CAAP1: variants seen among roughly 807,000 people sequenced by gnomAD.
The protein encoded by CAAP1 is conserved anti-apoptotic protein.
CAAP1 carries 20 observed loss-of-function variants against 34.0 expected under a neutral mutation model. The ratio of observed to expected loss-of-function variants is 0.59; its 90% confidence interval spans 0.41 to 0.86. The LOEUF is 0.86. Among genes scored for constraint, CAAP1 ranks in the 40% least tolerant of loss-of-function variants. The probability of loss-of-function intolerance (pLI) is 0.00; values close to 1 mark genes in which losing one functional copy is unlikely to be tolerated. For missense variants in CAAP1, 538 were observed against 450.5 expected, an observed-to-expected ratio of 1.19 and a Z score of -1.76; for synonymous variants, 213 against 166.7, an observed-to-expected ratio of 1.28 and a Z score of -2.14.
At chr9:26,871,794 G>A (rs1000942423) in intron 4 of CAAP1, among the ~76,000 whole-genome samples, 9 of 150,272 alleles carry the variant, frequency 6.0e-5, no homozygotes, top group East Asian at 2.0e-4. Flanking sequence ...AGGGCGGCGG[G>A]TGCCAACTAC....
intron 5 of CAAP1, among the ~76,000 whole-genome samples, chr9:26,847,198 A>ATATATTTTTTTTT (rs1554649570): frequency 2.9e-5 from 1 of 34,708 alleles, no homozygotes; most frequent in African/African-American, 1.2e-4. Flanking sequence ...AAAAAGCAAT[A>ATATATTTTTTTTT]TTTTTTTTTT....
rs558030743 is a variant in CAAP1, at chr9:26,892,798, G to T, written c.-83C>A. 3 of 1,355,810 alleles carry T rather than the reference G, an allele frequency of 2.2e-6. No homozygotes were observed. Among genetic ancestry groups the T allele is most frequent in the Non-Finnish European group, 3.0e-6 (3 of 1,006,564 alleles). 84.0% of individuals were successfully genotyped at this position (1,355,810 alleles called of 1,614,324 possible). A position where few individuals can be genotyped will look rare whatever the true frequency, so the allele number is the denominator to read the frequency against. On this transcript the variant is annotated 5_prime_UTR_variant, in exon 1 of 6. Coordinates refer to ENST00000333916, the MANE Select transcript of CAAP1 (RefSeq NM_024828.4). Reference sequence around the variant, plus strand: ...CGACTCCTGCGGCCGTGGGCGGCAGGCACTGGCGTCGCAGGTTATGCGTCA... The same window carrying T: ...CGACTCCTGCGGCCGTGGGCGGCAGTCACTGGCGTCGCAGGTTATGCGTCA...
chr9:26,858,282 T>G (rs1822919621), intron 5 of CAAP1, among the ~76,000 whole-genome samples: 1 of 152,172 alleles, frequency 6.6e-6, no homozygotes, highest in South Asian at 2.1e-4. Flanking sequence ...TTAGTGCACT[T>G]AGAAAACAGG....
Position 26,886,117 on chromosome 9 carries a change from CA to C in CAAP1, c.575del (p.Leu192Ter). The stretch of plus-strand genomic sequence containing the variant: ...ATGTATTCTTACCCTCAAGAATCTT[CA>C]AAATTTTTTTTTCAGACAGGAGCTC... ...QLELLSEKKI[L>X]KILEGDNGMD... On this transcript the variant is annotated frameshift_variant, in exon 3 of 6. Transcript: ENST00000333916. LOFTEE classifies it high-confidence loss of function. 1 of 1,546,864 alleles carries C rather than the reference CA, an allele frequency of 6.5e-7. No homozygotes were observed. Among genetic ancestry groups the C allele is most frequent in the South Asian group, 1.3e-5 (1 of 77,470 alleles).
At chr9:26,860,095 G>A (rs1822969462) in intron 5 of CAAP1, among the ~76,000 whole-genome samples, 1 of 152,150 alleles carries the variant, frequency 6.6e-6, no homozygotes, top group Non-Finnish European at 1.5e-5. Context: ...GTGATTACAT[G>A]ATAGATAACT....
chr9:26,892,383 C>T, intron 1 of CAAP1, 30 bp downstream of exon 1: 1 of 1,601,610 alleles, frequency 6.2e-7, no homozygotes, highest in Non-Finnish European at 8.5e-7. Context: ...GCAGCAGCTC[C>T]AGGAAGCGGC....
Position 26,892,495 on chromosome 9 carries a change from C to A in CAAP1, c.221G>T (p.Trp74Leu), listed in dbSNP as rs778801327. The change falls in exon 1 of 6, where the codon TGG becomes TTG. Residue 74 changes from tryptophan to leucine, a missense_variant. Trp to Leu is a moderately conservative substitution (Grantham distance 61). Around this residue, in one of 3 missense-constraint regions of CAAP1, gnomAD observed 514 missense variants for 408.4 expected, o/e 1.26. Coordinates refer to ENST00000333916, the MANE Select transcript of CAAP1 (RefSeq NM_024828.4). ...GCTGCGCTCCACGCTGCTCCCGCCC[C>A]AACAGCTGCCGCCGCTCCCACCGCC... ...VTGGGSGGSC[W>L]GGSSVERSER... 3 of 1,567,122 alleles carry A rather than the reference C, an allele frequency of 1.9e-6. No homozygotes were observed. Among genetic ancestry groups the A allele is most frequent in the Non-Finnish European group, 2.6e-6 (3 of 1,155,674 alleles).
At chr9:26,876,567 T>C (rs1377505860) in intron 4 of CAAP1, among the ~76,000 whole-genome samples, 1 of 151,934 alleles carries the variant, frequency 6.6e-6, no homozygotes, top group African/African-American at 2.4e-5. Flanking sequence ...GTATCATTTA[T>C]TGTACCTTTT....
intron 5 of CAAP1, among the ~76,000 whole-genome samples, chr9:26,860,012 CT>C (rs1226218922): frequency 6.6e-6 from 1 of 152,120 alleles, no homozygotes; most frequent in African/African-American, 2.4e-5. Context: ...TAAATAATGA[CT>C]TGTTTCTCTC....
In CAAP1 at chr9:26,886,133, G is replaced by C. The variant is rs374787707; in HGVS notation, c.560C>G (p.Ser187Cys). The change falls in exon 3 of 6, where the codon TCT (serine) becomes TGT (cysteine). Residue 187 changes from serine to cysteine, a missense_variant. Transcript: ENST00000333916. The stretch of plus-strand genomic sequence containing the variant: ...AAGAATCTTCAAAATTTTTTTTTCA[G>C]ACAGGAGCTCTAACTGTTCCTGGCA... Reference protein sequence around the residue: ...KLCQEQLELLSEKKILKILEG... With the variant: ...KLCQEQLELLCEKKILKILEG... The C allele has an allele frequency of 9.7e-6, 15 of 1,551,980 alleles. No individual in the cohort carries two copies. The highest frequency in any genetic ancestry group is 1.3e-5 in the Non-Finnish European group (15 of 1,153,922).
At chr9:26,860,952 C>T in intron 5 of CAAP1, 114 bp downstream of exon 5, 3 of 728,152 alleles carry the variant, frequency 4.1e-6, no homozygotes, top group Non-Finnish European at 7.3e-6. Flanking sequence ...AAATAAATTG[C>T]TCTCTTCCTC....
chr9:26,856,612 T>A (rs1822875134), intron 5 of CAAP1, among the ~76,000 whole-genome samples: 1 of 152,242 alleles, frequency 6.6e-6, no homozygotes, highest in Non-Finnish European at 1.5e-5. Context: ...TGGCTATTTA[T>A]GTGGCCTGTG....
In CAAP1 at chr9:26,853,847, T is replaced by G. The variant is rs550447894; in HGVS notation, c.739+7219A>C. On this transcript the variant is annotated intron_variant, in intron 5 of 5. Transcript: ENST00000333916. ...TACAGATAGATATGAAAAAATTTATTTACATATCTGTTTTCCTTTATTAGA... is the reference window on the plus strand; with the variant it reads ...TACAGATAGATATGAAAAAATTTATGTACATATCTGTTTTCCTTTATTAGA... Among the ~76,000 whole-genome samples the G allele has an allele frequency of 2.6e-5, 4 of 152,292 alleles. No individual in the cohort carries two copies. The East Asian group carries it at 7.7e-4, about 29-fold the overall frequency.
chr9:26,856,560 C>G (rs1587096253), intron 5 of CAAP1, among the ~76,000 whole-genome samples: 1 of 152,326 alleles, frequency 6.6e-6, no homozygotes, highest in East Asian at 1.9e-4. Flanking sequence ...CAAGGCCAAA[C>G]AGCCAACCAT....
At chr9:26,864,645 A>C (rs1823086126) in intron 4 of CAAP1, among the ~76,000 whole-genome samples, 1 of 152,204 alleles carries the variant, frequency 6.6e-6, no homozygotes, top group Admixed American at 6.5e-5. Context: ...CATTTTCCTA[A>C]ATAGGGGGCT....
Position 26,876,250 on chromosome 9 carries a change from C to T in CAAP1, c.665+8560G>A, listed in dbSNP as rs528639830. Among the ~76,000 whole-genome samples, 17 of 152,284 alleles carry T rather than the reference C, an allele frequency of 1.1e-4. No homozygotes were observed. The South Asian group carries it at 3.1e-3, about 28-fold the overall frequency. On this transcript the variant is annotated intron_variant, in intron 4 of 5. Coordinates refer to ENST00000333916, the MANE Select transcript of CAAP1 (RefSeq NM_024828.4). ...CTCTGCTTCCAGCATCTCTTGACTTCGACTGTCTTATCTCCCTCTTATAAG... is the reference window on the plus strand; with the variant it reads ...CTCTGCTTCCAGCATCTCTTGACTTTGACTGTCTTATCTCCCTCTTATAAG...
chr9:26,855,300 G>A (rs564135670), intron 5 of CAAP1, among the ~76,000 whole-genome samples: 11 of 152,164 alleles, frequency 7.2e-5, no homozygotes, highest in African/African-American at 1.9e-4. Flanking sequence ...ACTATAAAAC[G>A]ATCAGTGGTT....
chr9:26,887,247 CA>C (rs1390138343), intron 2 of CAAP1, 65 bp downstream of exon 2: 4 of 1,081,828 alleles, frequency 3.7e-6, no homozygotes, highest in East Asian at 5.4e-5. Context: ...TTAAGTAAAA[CA>C]AAAAATTGCT....
chr9:26,878,718 AG>A (rs1460868315), intron 4 of CAAP1, among the ~76,000 whole-genome samples: 2 of 152,092 alleles, frequency 1.3e-5, no homozygotes, highest in Admixed American at 1.3e-4. Context: ...TGGGAAGCCA[AG>A]GTGGGAGGAT....
Sources: allele counts gnomAD v4.1 joint callset (sites outside exome capture counted in the v4.1 genomes callset), GRCh38; gene constraint gnomAD v4.1.1; regional missense constraint gnomAD v4.1.1; transcripts MANE v1.5; gene names NCBI Gene and HGNC (gene_info 2026-07-23, HGNC 2026-07-21).